Variants in RMDN3 observed in about 807,000 individuals in gnomAD.
RMDN3 encodes the protein regulator of microtubule dynamics protein 3.
RMDN3 carries 41 observed loss-of-function variants against 61.8 expected under a neutral mutation model. That is an observed-to-expected ratio of 0.66 (90% confidence interval 0.52 to 0.86). The LOEUF (loss-of-function observed/expected upper bound fraction) is 0.86, where lower values mean the gene tolerates loss of function less well. Ranked by LOEUF, RMDN3 falls within the 40% of genes least tolerant of loss-of-function variation. The pLI, the probability that RMDN3 is intolerant of heterozygous loss-of-function variation, is 0.00. For synonymous variants in RMDN3, 247 were observed against 232.0 expected (o/e 1.06, Z -0.59); for missense variants, 557 against 585.3 (o/e 0.95, Z 0.50).
rs1219873958 is a variant in RMDN3 at position 40,736,063 on chromosome 15, G to GTGAT, written c.*474_*477dup. On this transcript the variant is annotated 3_prime_UTR_variant, in exon 13 of 13. Transcript: ENST00000338376. ...AATACAGGTAGAATTCACATGATAG[G>GTGAT]TGATAAGAAAGCAATGTCTGTGGGC... 1 of 153,340 alleles carries GTGAT rather than the reference G, an allele frequency of 6.5e-6. No individual in the cohort carries two copies. Among genetic ancestry groups the GTGAT allele is most frequent in the African/African-American group, 2.4e-5 (1 of 41,478 alleles). 9.5% of individuals were successfully genotyped at this position (153,340 alleles called of 1,614,324 possible). A position where few individuals can be genotyped will look rare whatever the true frequency, so the allele number is the denominator to read the frequency against.
intron 4 of RMDN3, among the ~76,000 whole-genome samples, chr15:40,748,074 G>A (rs920822701): frequency 6.6e-6 from 1 of 152,118 alleles, no homozygotes; most frequent in Non-Finnish European, 1.5e-5. Flanking sequence ...TACAATGCCC[G>A]GGGAACAAGC....
Position 40,737,719 on chromosome 15 carries a change from T to C in RMDN3, c.1133A>G (p.His378Arg), listed in dbSNP as rs190232842. 614 of 1,613,056 alleles carry C rather than the reference T, an allele frequency of 3.8e-4. 4 individuals carry two copies. The Admixed American group carries it at 0.01, about 26-fold the overall frequency. Residue 378 changes from histidine to arginine, a missense_variant, in exon 10 of 13, where the codon CAC (histidine) becomes CGC (arginine). Coordinates refer to ENST00000338376, the MANE Select transcript of RMDN3 (RefSeq NM_018145.3). ...AGTTTTTTTTTCTAGCCAGCTCAGG[T>C]GAGAGACCTGCCACAAAAAGATCAA... ...LLGRWCYQVS[H>R]LSWLEKKTAT...
At position 40,745,046 on chromosome 15, in the gene RMDN3, G is replaced by C. The variant is rs774398653; in HGVS notation, c.738C>G (p.Asp246Glu). 69 of 1,613,990 alleles carry C rather than the reference G, an allele frequency of 4.3e-5. No homozygotes were observed. The Middle Eastern group carries it at 2.0e-3, about 46-fold the overall frequency. ...CTTGCTCATCACCCCTGTGCAGCTC[G>C]TCGGCCTGCTGCAGGAGGGGCAGCA... ...EDVLPLLQQA[D>E]ELHRGDEQGK... The change falls in exon 5 of 13, where the codon GAC (aspartate) becomes GAG (glutamate). Residue 246 changes from aspartate to glutamate, a missense_variant. Coordinates refer to ENST00000338376, the MANE Select transcript of RMDN3 (RefSeq NM_018145.3).
In RMDN3 at chr15:40,736,536, C is replaced by G. The variant is rs201041208; in HGVS notation, c.*5G>C. On this transcript the variant is annotated 3_prime_UTR_variant, in exon 13 of 13. Transcript: ENST00000338376. ...CATCAAGTCATGAAGGCCAGTGAAA[C>G]GTGGTTAGTCTCGTAAAATGACTTC... The G allele has an allele frequency of 6.2e-7, 1 of 1,613,618 alleles. No individual in the cohort carries two copies. The highest frequency in any genetic ancestry group is 8.5e-7 in the Non-Finnish European group (1 of 1,179,628).
intron 7 of RMDN3, chr15:40,738,859 T>C: frequency 2.1e-6 from 1 of 467,600 alleles, no homozygotes. Flanking sequence ...AGTAAATCTC[T>C]CCTACACTCA....
rs774963455 is a variant in RMDN3, at chr15:40,751,535, G to A, written c.415C>T (p.Arg139Trp). ...HMEENQRVARRRRFPFVRERS... is the reference protein window; with the variant it reads ...HMEENQRVARWRRFPFVRERS... ...TCCCGGACAAACGGAAACCTTCGCC[G>A]CCGAGCCACTCTCTGGTTCTCTTCC... Residue 139 changes from arginine to tryptophan, a missense_variant, in exon 4 of 13, where the codon CGG (arginine) becomes TGG (tryptophan). Arg to Trp is a moderately radical substitution (Grantham distance 101). Transcript: ENST00000338376. 5.6e-6 allele frequency: 9 copies of A among 1,614,062 alleles called. No homozygotes were observed. Among genetic ancestry groups the A allele is most frequent in the African/African-American group, 1.3e-5 (1 of 75,034 alleles).
intron 6 of RMDN3, among the ~76,000 whole-genome samples, chr15:40,741,351 A>AG (rs2141905983): frequency 6.6e-6 from 1 of 152,112 alleles, no homozygotes; most frequent in African/African-American, 2.4e-5. Flanking sequence ...TTAAAAAAAA[A>AG]AATTCTCAAA....
rs1380200214 is a variant in RMDN3, at chr15:40,745,009, C to T, written c.775G>A (p.Gly259Ser). 6 of 1,608,818 alleles carry T rather than the reference C, an allele frequency of 3.7e-6. No homozygotes were observed. The highest frequency in any genetic ancestry group is 5.1e-6 in the Non-Finnish European group (6 of 1,176,108). ...TTGTTGTTGAGCAGCAGCTGGAAGC[C>T]CTCCCGCTTGCCTTGCTCATCACCC... ...HRGDEQGKRE[G>S]FQLLLNNKLV... The change falls in exon 5 of 13, where the codon GGC becomes AGC. Residue 259 changes from glycine (G) to serine (S), a missense_variant. Coordinates refer to ENST00000338376, the MANE Select transcript of RMDN3 (RefSeq NM_018145.3).
intron 11 of RMDN3, 34 bp from the exon 12 acceptor site, chr15:40,737,238 G>GTACTT (rs1897091681): frequency 6.2e-7 from 1 of 1,608,264 alleles, no homozygotes; most frequent in Admixed American, 1.7e-5. Flanking sequence ...CTGATACTGT[G>GTACTT]TACTTTCAGG....
At chr15:40,745,326 C>T in intron 4 of RMDN3, 67 bp from the exon 5 acceptor site, 1 of 1,514,760 alleles carries the variant, frequency 6.6e-7, no homozygotes, top group Non-Finnish European at 9.0e-7. Flanking sequence ...TCTGTCTATC[C>T]CTCACCCCCA....
rs757163306 is a variant in RMDN3 at position 40,751,483 on chromosome 15, G to A, written c.467C>T (p.Ser156Phe). The A allele has an allele frequency of 6.2e-6, 10 of 1,614,218 alleles. No individual in the cohort carries two copies. The South Asian group carries it at 1.1e-4, about 18-fold the overall frequency. Residue 156 changes from serine (S) to phenylalanine (F), a missense_variant, in exon 4 of 13, where the codon TCT (serine) becomes TTT (phenylalanine). Transcript: ENST00000338376. The part of the protein sequence containing the change: ...RERSDSTGSS[S>F]VYFTASSGAT... ...TCCCGAGGAGGCCGTGAAGTAGACA[G>A]AGCTGGAGCCAGTGGAGTCACTCCT...
intron 3 of RMDN3, 72 bp from the exon 4 acceptor site, chr15:40,751,641 T>G (rs1302777593): frequency 6.3e-7 from 1 of 1,591,892 alleles, no homozygotes; most frequent in South Asian, 1.1e-5. Flanking sequence ...CACCATGGGG[T>G]GCCTCTTACT....
Position 40,754,904 on chromosome 15 carries a change from T to G in RMDN3, c.-7-114A>C, listed in dbSNP as rs374387351. ...ACCCTCAAGGCTGAACCCCGGCAGGTATCCCCTTGCCCAAACCCTGAGCTC... is the reference window on the plus strand; with the variant it reads ...ACCCTCAAGGCTGAACCCCGGCAGGGATCCCCTTGCCCAAACCCTGAGCTC... On this transcript the variant is annotated intron_variant, in intron 1 of 12. Transcript: ENST00000338376. 74 of 879,298 alleles carry G rather than the reference T, an allele frequency of 8.4e-5. 1 individual carries two copies. The East Asian group carries it at 1.6e-3, about 19-fold the overall frequency. The allele number at this position is 879,298 out of a possible 1,614,324, so 54.5% of individuals were successfully genotyped here. A position where few individuals can be genotyped will look rare whatever the true frequency, so the allele number is the denominator to read the frequency against.
chr15:40,743,992 AG>A, intron 6 of RMDN3, 54 bp downstream of exon 6: 1 of 1,486,218 alleles, frequency 6.7e-7, no homozygotes, highest in Non-Finnish European at 9.1e-7. Context: ...CAGATGGGCC[AG>A]CCCCACCCCT....
At chr15:40,744,222 C>G (rs781502426) in intron 5 of RMDN3, 73 bp from the exon 6 acceptor site, 4 of 1,396,088 alleles carry the variant, frequency 2.9e-6, no homozygotes, top group Non-Finnish European at 3.0e-6. Flanking sequence ...GGCCTTCCCC[C>G]ACACCCTAGG....
rs1254585760 is a variant in RMDN3, at chr15:40,737,346, G to C, written c.1225-5C>G. The C allele has an allele frequency of 7.4e-6, 12 of 1,613,096 alleles. No homozygotes were observed. Among genetic ancestry groups the C allele is most frequent in the Non-Finnish European group, 1.0e-5 (12 of 1,179,078 alleles). On this transcript the variant is annotated splice_polypyrimidine_tract_variant and splice_region_variant and intron_variant, in intron 10 of 12. Transcript: ENST00000338376. ...TCCTGGCTGTAGTTCTTCAGCCTGG[G>C]AAAAGGGACAAAGATATTTCAGTAA...
At position 40,752,192 on chromosome 15, in the gene RMDN3, CGAAT is replaced by C. The variant is rs775378829; in HGVS notation, c.188-18_188-15del. 6.2e-7 allele frequency: 1 copy of C among 1,607,192 alleles called. No individual in the cohort carries two copies. The highest frequency in any genetic ancestry group is 1.1e-5 in the South Asian group (1 of 90,520). ...GCAGGAGCATCACTGAAGGGGGAAA[CGAAT>C]GGGAGCCAGTGACACACAGGAATAT... On this transcript the variant is annotated splice_polypyrimidine_tract_variant and intron_variant, in intron 2 of 12. Coordinates refer to ENST00000338376, the MANE Select transcript of RMDN3 (RefSeq NM_018145.3).
At chr15:40,746,594 C>T (rs1016355485) in intron 4 of RMDN3, among the ~76,000 whole-genome samples, 4 of 151,510 alleles carry the variant, frequency 2.6e-5, no homozygotes, top group African/African-American at 9.7e-5. Context: ...ACACCACCTA[C>T]AAATAAAGTC....
At chr15:40,742,962 G>A (rs563283477) in intron 6 of RMDN3, among the ~76,000 whole-genome samples, 1 of 152,158 alleles carries the variant, frequency 6.6e-6, no homozygotes, top group Non-Finnish European at 1.5e-5. Flanking sequence ...TTTTCTGAGG[G>A]TCTACAGAGA....
Sources: allele counts gnomAD v4.1 joint callset (sites outside exome capture counted in the v4.1 genomes callset), GRCh38; gene constraint gnomAD v4.1.1; transcripts MANE v1.5; gene names NCBI Gene and HGNC (gene_info 2026-07-23, HGNC 2026-07-21).